Variants in STK3 observed in about 807,000 individuals in gnomAD.
The protein encoded by STK3 is serine/threonine kinase 3.
Under a neutral mutation model 58.0 loss-of-function variants are expected in STK3, and 41 were observed. The observed-to-expected ratio is 0.71, with a 90% CI of 0.55 to 0.92. The LOEUF is 0.92. Among genes scored for constraint, STK3 ranks in the 40% least tolerant of loss-of-function variants. STK3 has a pLI of 0.00. For missense variants in STK3, 479 were observed against 602.7 expected (o/e 0.79, Z 2.15); for synonymous variants, 170 against 191.0 (o/e 0.89, Z 0.91).
intron 6 of STK3, among the ~76,000 whole-genome samples, chr8:98,623,054 C>T (rs1042071610): frequency 6.6e-6 from 1 of 151,842 alleles, no homozygotes; most frequent in African/African-American, 2.4e-5. Flanking sequence ...AGTAATGCTC[C>T]AAAATACAAG....
At chr8:98,429,110 C>T (rs371574913) in intron 3 of STK3, 45 of 1,613,346 alleles carry the variant, frequency 2.8e-5, no homozygotes, top group South Asian at 4.4e-5. Context: ...CAGTGGGGTA[C>T]GGGGATGTGG....
At position 98,680,110 on chromosome 8, in the gene STK3, CA is replaced by C. The variant is rs1823522503; in HGVS notation, c.684+26356del. On this transcript the variant is annotated intron_variant, in intron 6 of 10. Transcript: ENST00000419617. ...GGATATATAACTTTCCTTATGCAAACAAAAAACTAGCTGAATATCATACTAC... is the reference window on the plus strand; with the variant it reads ...GGATATATAACTTTCCTTATGCAAACAAAAACTAGCTGAATATCATACTAC... Among the ~76,000 whole-genome samples, 4 of 152,164 alleles carry C rather than the reference CA, an allele frequency of 2.6e-5. No homozygotes were observed. The South Asian group carries it at 8.3e-4, about 32-fold the overall frequency.
intron 6 of STK3, among the ~76,000 whole-genome samples, chr8:98,647,406 C>A (rs1044288059): frequency 6.6e-6 from 1 of 152,114 alleles, no homozygotes; most frequent in African/African-American, 2.4e-5. Context: ...TGTTTTATAT[C>A]TATTGCCTCC....
chr8:98,799,999 G>A (rs1477361795), intron 1 of STK3, among the ~76,000 whole-genome samples: 1 of 152,136 alleles, frequency 6.6e-6, no homozygotes, highest in African/African-American at 2.4e-5. Flanking sequence ...AGTACAAGAT[G>A]CCACCCAGCG....
chr8:98,759,423 C>CA, intron 3 of STK3, among the ~76,000 whole-genome samples: 1 of 152,284 alleles, frequency 6.6e-6, no homozygotes, highest in East Asian at 1.9e-4. Context: ...CACCATCTTA[C>CA]AAAGGTGCAG....
chr8:98,613,461 G>A (rs1269724075), intron 6 of STK3, among the ~76,000 whole-genome samples: 1 of 152,038 alleles, frequency 6.6e-6, no homozygotes, highest in Admixed American at 6.5e-5. Context: ...GAACAATCAT[G>A]AAAATAACTG....
chr8:98,441,358 T>G (rs1302355776), intron 1 of STK3, among the ~76,000 whole-genome samples: 1 of 152,230 alleles, frequency 6.6e-6, no homozygotes, highest in Non-Finnish European at 1.5e-5. Flanking sequence ...TATCAGTTCA[T>G]AAAAATCAAC....
At chr8:98,377,251 T>A (rs1237114841) in intron 2 of STK3, among the ~76,000 whole-genome samples, 1 of 152,178 alleles carries the variant, frequency 6.6e-6, no homozygotes, top group Non-Finnish European at 1.5e-5. Context: ...TGCATCAACA[T>A]TGCTATTTGT....
chr8:98,579,555 C>A, intron 8 of STK3, 109 bp downstream of exon 8: 1 of 1,314,192 alleles, frequency 7.6e-7, no homozygotes, highest in East Asian at 2.5e-5. Flanking sequence ...AATGAAAAAA[C>A]ATATCTTACT....
the STK3 span, among the ~76,000 whole-genome samples, chr8:98,362,014 C>T: frequency 3.3e-5 from 5 of 152,176 alleles, no homozygotes; most frequent in South Asian, 6.2e-4. Context: ...GCTGCACAAG[C>T]TCCTGGCAGA....
chr8:98,705,201 G>T (rs1359002587), intron 6 of STK3, among the ~76,000 whole-genome samples: 1 of 151,996 alleles, frequency 6.6e-6, no homozygotes, highest in Non-Finnish European at 1.5e-5. Flanking sequence ...TGGGCGGATC[G>T]CTTGAGCCCA....
intron 10 of STK3, among the ~76,000 whole-genome samples, chr8:98,516,920 T>A (rs1376036740): frequency 6.6e-6 from 1 of 151,910 alleles, no homozygotes; most frequent in Non-Finnish European, 1.5e-5. Context: ...AGATAGAGAG[T>A]TAAAAACTAA....
chr8:98,781,537 C>T (rs1298777340), intron 1 of STK3, among the ~76,000 whole-genome samples: 1 of 152,128 alleles, frequency 6.6e-6, no homozygotes, highest in Non-Finnish European at 1.5e-5. Flanking sequence ...TTCCCACTAT[C>T]CAGAGTTGAA....
At chr8:98,603,796 AAGGGAAGGGAAGG>A (rs1816555995) in intron 6 of STK3, among the ~76,000 whole-genome samples, 2 of 152,114 alleles carry the variant, frequency 1.3e-5, no homozygotes, top group East Asian at 1.9e-4. Context: ...GGAAAGGAAG[AAGGGAAGGGAAGG>A]AGGGAAAGAT....
At chr8:98,347,491 G>A in the STK3 span, among the ~76,000 whole-genome samples, 1 of 151,420 alleles carries the variant, frequency 6.6e-6, no homozygotes, top group Admixed American at 6.6e-5. Context: ...CTCCCGCCTG[G>A]GCCACAGAGC....
At chr8:98,527,033 A>C (rs567205637) in intron 9 of STK3, 116 bp from the exon 10 acceptor site, 5 of 678,694 alleles carry the variant, frequency 7.4e-6, no homozygotes, top group Non-Finnish European at 1.1e-5. Context: ...GTCAGATTCA[A>C]GGCCAACATA....
At chr8:98,925,243 C>T (rs1839743851) in intron 1 of STK3, among the ~76,000 whole-genome samples, 1 of 152,308 alleles carries the variant, frequency 6.6e-6, no homozygotes, top group South Asian at 2.1e-4. Context: ...TTTCTGTTGG[C>T]TCAACAATTC....
At chr8:98,355,512 T>C in the STK3 span, among the ~76,000 whole-genome samples, 1 of 152,198 alleles carries the variant, frequency 6.6e-6, no homozygotes, top group African/African-American at 2.4e-5. Flanking sequence ...AGTACCTACA[T>C]GATAGCAACT....
chr8:98,635,563 CT>C (rs908427649), intron 6 of STK3, among the ~76,000 whole-genome samples: 21 of 152,074 alleles, frequency 1.4e-4, no homozygotes, highest in African/African-American at 5.1e-4. Flanking sequence ...ATAAAGAATA[CT>C]TTTGGTTACT....
Sources: allele counts gnomAD v4.1 joint callset (sites outside exome capture counted in the v4.1 genomes callset), GRCh38; gene constraint gnomAD v4.1.1; transcripts MANE v1.5; gene names NCBI Gene and HGNC (gene_info 2026-07-23, HGNC 2026-07-21).